HDAC7: variants seen among roughly 807,000 people sequenced by gnomAD.
The protein encoded by HDAC7 is histone deacetylase 7, also known as histone deacetylase 7A.
HDAC7 carries 26 observed loss-of-function variants against 115.5 expected under a neutral mutation model. The ratio of observed to expected loss-of-function variants is 0.23; its 90% CI spans 0.16 to 0.31. The LOEUF (loss-of-function observed/expected upper bound fraction) is 0.31. Among genes scored for constraint, HDAC7 ranks in the 10% least tolerant of loss-of-function variants. The pLI is 1.00. For synonymous variants in HDAC7, 564 were observed against 550.9 expected, an observed-to-expected ratio of 1.02 and a Z score of -0.33; for missense variants, 1,068 against 1,329.0, an observed-to-expected ratio of 0.80 and a Z score of 3.05.
In HDAC7 at chr12:47,793,334, C is replaced by A; in HGVS notation, c.1678+35G>T. ...CCACATGGACTCGTGCAGCCGAGCC[C>A]CTCCCTCCACCCGCCACCCTCCTCC... is the stretch of plus-strand genomic sequence containing the variant. On this transcript the variant is annotated intron_variant, in intron 13 of 25. Coordinates refer to ENST00000080059, the MANE Select transcript of HDAC7 (RefSeq NM_015401.5). The surrounding 1 kb of genome is among the most constrained non-coding windows in gnomAD (Gnocchi z 4.5). 1.5e-6 allele frequency: 2 copies of A among 1,312,488 alleles called. No individual in the cohort carries two copies. The highest frequency in any genetic ancestry group is 1.4e-5 in the South Asian group (1 of 71,470). The allele number at this position is 1,312,488 out of a possible 1,614,324, so 81.3% of individuals were successfully genotyped here.
chr12:47,819,719 TGGGTGCCGCGCGCAGGGCGGGGCG>T, intron 1 of HDAC7, 24 bp downstream of exon 1: 2 of 589,936 alleles, frequency 3.4e-6, no homozygotes, highest in Non-Finnish European at 4.3e-6. Flanking sequence ...CGGGCGACGC[TGGGTGCCGCGCGCAGGGCGGGGCG>T]GGGGGCGGCC....
intron 1 of HDAC7, chr12:47,817,612 G>A (rs1411800141): frequency 1.3e-5 from 2 of 152,370 alleles, no homozygotes; most frequent in African/African-American, 4.8e-5. Flanking sequence ...TGGGCCAGCA[G>A]AATGGGCACT....
chr12:47,790,237 G>C, intron 16 of HDAC7: 1 of 351,178 alleles, frequency 2.8e-6, no homozygotes, highest in South Asian at 2.9e-5. Context: ...GGCCGGGAGG[G>C]GGTTTTAAGC....
chr12:47,791,372 A>G, intron 15 of HDAC7, 64 bp from the exon 16 acceptor site: 1 of 1,483,058 alleles, frequency 6.7e-7, no homozygotes. Flanking sequence ...AACAGGGAGC[A>G]GGGAGCCCAG....
Position 47,795,786 on chromosome 12 carries a change from A to G in HDAC7, c.907-19T>C. The G allele has an allele frequency of 1.3e-6, 2 of 1,519,028 alleles. No individual in the cohort carries two copies. Among genetic ancestry groups the G allele is most frequent in the Non-Finnish European group, 1.8e-6 (2 of 1,129,820 alleles). 94.1% of individuals were successfully genotyped at this position (1,519,028 alleles called of 1,614,324 possible). On this transcript the variant is annotated intron_variant, in intron 9 of 25. Coordinates refer to ENST00000080059, the MANE Select transcript of HDAC7 (RefSeq NM_015401.5). This position sits in a 1 kb window ranked among gnomAD's most constrained non-coding sequence, Gnocchi z 4.3. ...TGTCAGCCTGGGGGAGAGGCGGGAG[A>G]AGTCACGGGGAAGAAGATTCCAGCA...
rs116856877 is a variant in HDAC7, at chr12:47,814,993, G to A, written c.19+4774C>T. On this transcript the variant is annotated intron_variant, in intron 1 of 25. Transcript: ENST00000080059. ...CTTGTTCTGTTTGTCTTCTCCACGA[G>A]AGTGGAAGTTCCCTGAGGTCAGATG... 2.3e-3 allele frequency among the ~76,000 whole-genome samples: 350 copies of A among 152,312 alleles called. 12 individuals are homozygous for A. In the East Asian group the frequency reaches 0.062, roughly 27 times the overall value.
rs1410860526 is a variant in HDAC7, at chr12:47,795,443, G to T, written c.1088-63C>A. 1 of 1,425,964 alleles carries T rather than the reference G, an allele frequency of 7.0e-7. No homozygotes were observed. Among genetic ancestry groups the T allele is most frequent in the Non-Finnish European group, 9.7e-7 (1 of 1,035,408 alleles). The allele number at this position is 1,425,964 out of a possible 1,614,324, so 88.3% of individuals were successfully genotyped here. A position where few individuals can be genotyped will look rare whatever the true frequency, so the allele number is the denominator to read the frequency against. On this transcript the variant is annotated intron_variant, in intron 10 of 25. Coordinates refer to ENST00000080059, the MANE Select transcript of HDAC7 (RefSeq NM_015401.5). The surrounding 1 kb of genome is among the most constrained non-coding windows in gnomAD (Gnocchi z 4.3). Reference sequence around the variant, plus strand: ...CAGGGAGCAATGGAAGGAAGCGAGGGTATAGGGTGGGGGGCCAGGGTGCAG... The same window carrying T: ...CAGGGAGCAATGGAAGGAAGCGAGGTTATAGGGTGGGGGGCCAGGGTGCAG...
At position 47,798,976 on chromosome 12, in the gene HDAC7, G is replaced by A; in HGVS notation, c.71-4C>T. On this transcript the variant is annotated splice_region_variant and splice_polypyrimidine_tract_variant and intron_variant, in intron 2 of 25. Coordinates refer to ENST00000080059, the MANE Select transcript of HDAC7 (RefSeq NM_015401.5). The surrounding 1 kb of genome is among the most constrained non-coding windows in gnomAD (Gnocchi z 4.3). ...TCTGCACAGGGCCTGGGGCAGCCTA[G>A]GGACAGAGAGAGGGAGCAGGGTAAA... 3 of 1,488,866 alleles carry A rather than the reference G, an allele frequency of 2.0e-6. No homozygotes were observed. Among genetic ancestry groups the A allele is most frequent in the Non-Finnish European group, 2.7e-6 (3 of 1,119,718 alleles). The allele number at this position is 1,488,866 out of a possible 1,614,324, so 92.2% of individuals were successfully genotyped here.
intron 1 of HDAC7, among the ~76,000 whole-genome samples, chr12:47,807,499 G>A (rs985937162): frequency 2.0e-5 from 3 of 152,042 alleles, no homozygotes; most frequent in African/African-American, 7.2e-5. Flanking sequence ...GGTTGAGCTG[G>A]GACTTGAGCC....
Position 47,798,417 on chromosome 12 carries a change from G to A in HDAC7, c.349+145C>T. The A allele has an allele frequency of 1.3e-6, 1 of 792,734 alleles. No individual in the cohort carries two copies. Among genetic ancestry groups the A allele is most frequent in the Non-Finnish European group, 2.1e-6 (1 of 483,768 alleles). The allele number at this position is 792,734 out of a possible 1,614,324, so 49.1% of individuals were successfully genotyped here. ...CCCCCACATCCCCCACACATTCACA[G>A]GCAGAGCCCAGGCAAGCAGAGGGAA... On this transcript the variant is annotated intron_variant, in intron 4 of 25. Coordinates refer to ENST00000080059, the MANE Select transcript of HDAC7 (RefSeq NM_015401.5). This position sits in a 1 kb window ranked among gnomAD's most constrained non-coding sequence, Gnocchi z 4.3.
Position 47,798,679 on chromosome 12 carries a change from A to C in HDAC7, c.259-27T>G. ...TGTGGGCAGGGCCGGCAGCCCAGAA[A>C]GGGACAAGGAGTTGAGGACTGAGAC... On this transcript the variant is annotated intron_variant, in intron 3 of 25. Transcript: ENST00000080059. The surrounding 1 kb of genome is among the most constrained non-coding windows in gnomAD (Gnocchi z 4.3). 11 of 1,600,504 alleles carry C rather than the reference A, an allele frequency of 6.9e-6. No homozygotes were observed. The highest frequency in any genetic ancestry group is 8.5e-6 in the Non-Finnish European group (10 of 1,173,164).
intron 1 of HDAC7, among the ~76,000 whole-genome samples, chr12:47,802,996 C>A (rs998629591): frequency 2.0e-5 from 3 of 152,190 alleles, no homozygotes; most frequent in Non-Finnish European, 2.9e-5. Context: ...AGCCTCTTTC[C>A]CAGATAATCT....
intron 1 of HDAC7, among the ~76,000 whole-genome samples, chr12:47,819,505 C>G (rs1467930431): frequency 6.6e-6 from 1 of 152,006 alleles, no homozygotes; most frequent in Non-Finnish European, 1.5e-5. Context: ...TGCCCCGGGG[C>G]GGGCGGATGT....
chr12:47,818,280 T>G (rs1363334275), intron 1 of HDAC7, among the ~76,000 whole-genome samples: 1 of 152,170 alleles, frequency 6.6e-6, no homozygotes, highest in Non-Finnish European at 1.5e-5. Flanking sequence ...CCTCTGAGCC[T>G]GGCCCTGCTG....
chr12:47,792,669 C>G lies in HDAC7; in HGVS notation c.1679-665G>C, dbSNP rs1486819818. 1.5e-5 allele frequency: 7 copies of G among 455,766 alleles called. No homozygotes were observed. The Admixed American group carries it at 1.6e-4, about 11-fold the overall frequency. The allele number at this position is 455,766 out of a possible 1,614,324, so 28.2% of individuals were successfully genotyped here. On this transcript the variant is annotated intron_variant, in intron 13 of 25. Coordinates refer to ENST00000080059, the MANE Select transcript of HDAC7 (RefSeq NM_015401.5). The stretch of plus-strand genomic sequence containing the variant: ...AGGAATGCTACTTCTTTAGAGTGAA[C>G]CTTGGGAAATAATCCCAAGCATGAG...
chr12:47,793,508 G>A lies in HDAC7; in HGVS notation c.1539C>T (p.Ala513=). The change falls in exon 13 of 26, where the codon GCC becomes GCT. Residue 513 remains alanine, a synonymous_variant. Transcript: ENST00000080059. The surrounding 1 kb of genome is among the most constrained non-coding windows in gnomAD (Gnocchi z 4.5). ...GGGACAGAGGCCGGTGCCCACCCTGGGCCAGAGGAAGCAGCACAGTGTCCC... is the reference window on the plus strand; with the variant it reads ...GGGACAGAGGCCGGTGCCCACCCTGAGCCAGAGGAAGCAGCACAGTGTCCC... The part of the protein sequence containing the change: ...STGDTVLLPL[A]QGGHRPLSRA... 6.5e-7 allele frequency: 1 copy of A among 1,549,046 alleles called. No homozygotes were observed. The highest frequency in any genetic ancestry group is 8.7e-7 in the Non-Finnish European group (1 of 1,147,092).
Position 47,791,848 on chromosome 12 carries a change from G to A in HDAC7, c.1812+23C>T, listed in dbSNP as rs541778707. 353 of 1,218,786 alleles carry A rather than the reference G, an allele frequency of 2.9e-4. 1 individual carries two copies. The highest frequency in any genetic ancestry group is 1.2e-3 in the South Asian group (91 of 73,370). 75.5% of individuals were successfully genotyped at this position (1,218,786 alleles called of 1,614,324 possible). On this transcript the variant is annotated intron_variant, in intron 14 of 25. Coordinates refer to ENST00000080059, the MANE Select transcript of HDAC7 (RefSeq NM_015401.5). Reference sequence around the variant, plus strand: ...TGACTCCTCCCTCCACCCATTCCTCGGGCCCCACCCGCGCCTCCTCACCTC... The same window carrying A: ...TGACTCCTCCCTCCACCCATTCCTCAGGCCCCACCCGCGCCTCCTCACCTC...
At position 47,798,238 on chromosome 12, in the gene HDAC7, G is replaced by C. The variant is rs370268431; in HGVS notation, c.350-19C>G. 4.8e-5 allele frequency: 76 copies of C among 1,583,544 alleles called. No homozygotes were observed. In the African/African-American group the frequency reaches 1.0e-3, roughly 21 times the overall value. On this transcript the variant is annotated intron_variant, in intron 4 of 25. Coordinates refer to ENST00000080059, the MANE Select transcript of HDAC7 (RefSeq NM_015401.5). This position sits in a 1 kb window ranked among gnomAD's most constrained non-coding sequence, Gnocchi z 4.3. ...ACAGCACCTGTAGGGGCAGAGTCAG[G>C]AGGGGGCTGGAGGTGGGTGGACAGG...
Position 47,795,490 on chromosome 12 carries a change from G to A in HDAC7, c.1087+97C>T. 3 of 1,416,704 alleles carry A rather than the reference G, an allele frequency of 2.1e-6. No homozygotes were observed. Among genetic ancestry groups the A allele is most frequent in the South Asian group, 2.5e-5 (2 of 80,766 alleles). The allele number at this position is 1,416,704 out of a possible 1,614,324, so 87.8% of individuals were successfully genotyped here. On this transcript the variant is annotated intron_variant, in intron 10 of 25. Coordinates refer to ENST00000080059, the MANE Select transcript of HDAC7 (RefSeq NM_015401.5). The surrounding 1 kb of genome is among the most constrained non-coding windows in gnomAD (Gnocchi z 4.3). ...GCAGCAGGGCAATGCGCAGGACAGGGGGACAGAGATGGGGAGGAAGGATGG... is the reference window on the plus strand; with the variant it reads ...GCAGCAGGGCAATGCGCAGGACAGGAGGACAGAGATGGGGAGGAAGGATGG...
Sources: allele counts gnomAD v4.1 joint callset (sites outside exome capture counted in the v4.1 genomes callset), GRCh38; gene constraint gnomAD v4.1.1; non-coding constraint Gnocchi (gnomAD v3.1); transcripts MANE v1.5; gene names NCBI Gene and HGNC (gene_info 2026-07-23, HGNC 2026-07-21).